The following RALYL variants were observed in gnomAD, a reference collection of about 807,000 sequenced individuals.
RALYL encodes the protein RNA-binding Raly-like protein.
A neutral mutation model predicts 35.1 loss-of-function variants in RALYL; 29 were observed. That is an observed-to-expected ratio of 0.83 (90% CI 0.61 to 1.13). RALYL has a LOEUF of 1.13. Among genes scored for constraint, RALYL ranks in the 50% most tolerant of loss-of-function variants. The pLI is 0.00. For synonymous variants in RALYL, 120 were observed against 127.6 expected, an observed-to-expected ratio of 0.94 and a Z score of 0.40; for missense variants, 359 against 360.4, an observed-to-expected ratio of 1.00 and a Z score of 0.03.
chr8:84,537,061 G>A (rs2059658454), intron 2 of RALYL, among the ~76,000 whole-genome samples: 1 of 150,692 alleles, frequency 6.6e-6, no homozygotes, highest in African/African-American at 2.4e-5. Context: ...AGAATGCTAT[G>A]TAGAGATGGC....
At chr8:84,226,460 G>A (rs1040113985) in intron 1 of RALYL, among the ~76,000 whole-genome samples, 3 of 152,242 alleles carry the variant, frequency 2.0e-5, no homozygotes, top group East Asian at 1.9e-4. Flanking sequence ...AGGCTGGAGG[G>A]CAGTGGTGCA....
At chr8:84,244,070 G>A (rs926215975) in intron 1 of RALYL, among the ~76,000 whole-genome samples, 1 of 151,890 alleles carries the variant, frequency 6.6e-6, no homozygotes. Flanking sequence ...GTGGCTTTGG[G>A]GCAGGGGCAG....
chr8:84,398,116 A>T (rs532543141), intron 1 of RALYL, among the ~76,000 whole-genome samples: 1 of 152,306 alleles, frequency 6.6e-6, no homozygotes, highest in South Asian at 2.1e-4. Context: ...GATGGAAGAC[A>T]TTTGCTGTTA....
At chr8:84,428,760 A>G (rs140496326) in intron 1 of RALYL, among the ~76,000 whole-genome samples, 4 of 152,294 alleles carry the variant, frequency 2.6e-5, no homozygotes, top group African/African-American at 9.6e-5. Context: ...TATAGGGTGA[A>G]GTTACTTTGT....
chr8:84,626,168 A>T (rs190698764), intron 2 of RALYL, among the ~76,000 whole-genome samples: 1 of 152,280 alleles, frequency 6.6e-6, no homozygotes, highest in African/African-American at 2.4e-5. Context: ...TGACTTTTGA[A>T]CTTTTGTAAT....
intron 1 of RALYL, among the ~76,000 whole-genome samples, chr8:84,488,409 G>A (rs1163520719): frequency 9.9e-5 from 15 of 152,030 alleles, no homozygotes; most frequent in Admixed American, 9.9e-4. Flanking sequence ...GAGAGCCCAG[G>A]AAGTACACAA....
chr8:84,307,672 G>A (rs2132466335), intron 1 of RALYL, among the ~76,000 whole-genome samples: 1 of 152,250 alleles, frequency 6.6e-6, no homozygotes. Context: ...CTAAACAAAA[G>A]AAGGAGCAGG....
At chr8:84,457,396 GT>G (rs1312215476) in intron 1 of RALYL, among the ~76,000 whole-genome samples, 1 of 151,768 alleles carries the variant, frequency 6.6e-6, no homozygotes, top group Non-Finnish European at 1.5e-5. Context: ...CATTGATAAC[GT>G]TCTCTATCCT....
chr8:84,496,622 A>G (rs1462311176), intron 1 of RALYL, among the ~76,000 whole-genome samples: 1 of 152,184 alleles, frequency 6.6e-6, no homozygotes, highest in Non-Finnish European at 1.5e-5. Context: ...ACATAAGTTT[A>G]CCTATATGCA....
chr8:84,497,185 C>T (rs773585339), intron 1 of RALYL, among the ~76,000 whole-genome samples: 168 of 152,210 alleles, frequency 1.1e-3, no homozygotes, highest in Non-Finnish European at 2.2e-3. Context: ...ACTACAGAAT[C>T]ATACAGAAAC....
intron 4 of RALYL, among the ~76,000 whole-genome samples, chr8:84,819,799 G>T (rs1398393857): frequency 2.0e-5 from 3 of 152,146 alleles, no homozygotes; most frequent in African/African-American, 7.2e-5. Flanking sequence ...TTTAAGTTCT[G>T]CTTATAAAGA....
At chr8:84,288,405 A>C (rs977172889) in intron 1 of RALYL, among the ~76,000 whole-genome samples, 1 of 152,090 alleles carries the variant, frequency 6.6e-6, no homozygotes, top group Non-Finnish European at 1.5e-5. Flanking sequence ...TCTCTTCTTC[A>C]GTTGTATCTA....
chr8:84,820,445 C>T (rs1039071465), intron 4 of RALYL, among the ~76,000 whole-genome samples: 3 of 152,100 alleles, frequency 2.0e-5, no homozygotes, highest in Non-Finnish European at 2.9e-5. Context: ...ACAAACAAAG[C>T]TTTGGGAGGT....
At chr8:84,896,821 G>T (rs186489536) in intron 8 of RALYL, among the ~76,000 whole-genome samples, 14 of 152,278 alleles carry the variant, frequency 9.2e-5, no homozygotes, top group Admixed American at 8.5e-4. Context: ...GAATTGGAAT[G>T]CAATACAACC....
intron 1 of RALYL, among the ~76,000 whole-genome samples, chr8:84,202,207 TAA>T (rs538306861): frequency 4.8e-5 from 7 of 146,210 alleles, no homozygotes; most frequent in African/African-American, 1.5e-4. Context: ...ATTTTTGGTT[TAA>T]AAAAAAAAAA....
intron 2 of RALYL, among the ~76,000 whole-genome samples, chr8:84,692,947 T>C (rs564021650): frequency 6.6e-6 from 1 of 152,132 alleles, no homozygotes; most frequent in East Asian, 1.9e-4. Context: ...GTAGGTAGCC[T>C]CTAGAAGTTA....
At chr8:84,284,187 T>C (rs1837167189) in intron 1 of RALYL, among the ~76,000 whole-genome samples, 1 of 152,162 alleles carries the variant, frequency 6.6e-6, no homozygotes, top group South Asian at 2.1e-4. Context: ...AGATGCGGTC[T>C]CATTCAATGA....
At chr8:84,566,290 T>TAC (rs2061777823) in intron 2 of RALYL, among the ~76,000 whole-genome samples, 1 of 151,528 alleles carries the variant, frequency 6.6e-6, no homozygotes, top group Non-Finnish European at 1.5e-5. Context: ...ATGACAAATA[T>TAC]ACAAACAAAT....
At chr8:84,579,226 C>T (rs112080208) in intron 2 of RALYL, among the ~76,000 whole-genome samples, 40 of 152,322 alleles carry the variant, frequency 2.6e-4, no homozygotes, top group African/African-American at 8.7e-4. Flanking sequence ...CATGCACACA[C>T]GTGGCCAGGT....
Sources: allele counts gnomAD v4.1 joint callset (sites outside exome capture counted in the v4.1 genomes callset), GRCh38; gene constraint gnomAD v4.1.1; transcripts MANE v1.5; gene names NCBI Gene and HGNC (gene_info 2026-07-23, HGNC 2026-07-21).